Variants in SGCD observed in about 807,000 individuals in gnomAD.
SGCD encodes delta-sarcoglycan.
A neutral mutation model predicts 36.6 loss-of-function variants in SGCD; 18 were observed. That is an observed-to-expected ratio of 0.49 (90% CI 0.34 to 0.73). The LOEUF is 0.73. SGCD is among the 30% of genes least tolerant of loss of function. The pLI, the probability that SGCD is intolerant of heterozygous loss-of-function variation, is 0.01. For synonymous variants in SGCD, 133 were observed against 130.6 expected, an observed-to-expected ratio of 1.02 and a Z score of -0.12; for missense variants, 387 against 346.7, an observed-to-expected ratio of 1.12 and a Z score of -0.92.
At chr5:156,377,314 A>T (rs543491062) in intron 3 of SGCD, among the ~76,000 whole-genome samples, 6 of 152,290 alleles carry the variant, frequency 3.9e-5, no homozygotes, top group African/African-American at 1.4e-4. Context: ...AATAAATTTG[A>T]TATGTTAATG....
At chr5:156,278,139 A>G (rs1387988818) in intron 3 of SGCD, among the ~76,000 whole-genome samples, 1 of 152,172 alleles carries the variant, frequency 6.6e-6, no homozygotes, top group East Asian at 1.9e-4. Flanking sequence ...GGAAGAATAT[A>G]TATCAAGGTC....
the SGCD span, among the ~76,000 whole-genome samples, chr5:155,816,402 G>A: frequency 7.9e-3 from 1,202 of 152,216 alleles, 15 homozygotes; most frequent in Middle Eastern, 0.027. Context: ...AAATCATAAG[G>A]AAAAGAAAAT....
In SGCD at chr5:156,558,101, ATATATATATATATATATATATATT is replaced by A. The variant is rs1042480167; in HGVS notation, c.295-31129_295-31106del. On this transcript the variant is annotated intron_variant, in intron 4 of 8. Coordinates refer to ENST00000337851, the MANE Select transcript of SGCD (RefSeq NM_000337.6). ...TTAGTAAATACAAATATATATATAT[ATATATATATATATATATATATATT>A]ATTTAACTCTCTTTTAAAGGCAGTT... is the stretch of plus-strand genomic sequence containing the variant. Among the ~76,000 whole-genome samples the A allele has an allele frequency of 6.0e-4, 77 of 127,750 alleles. No individual in the cohort carries two copies. The Middle Eastern group carries it at 0.03, about 50-fold the overall frequency. The allele number at this position is 127,750 out of a possible 152,430, so 83.8% of individuals were successfully genotyped here.
intron 1 of SGCD, among the ~76,000 whole-genome samples, chr5:155,881,299 T>TAAATAAATAAATAAATAAAC (rs1755878620): frequency 1.4e-5 from 2 of 145,022 alleles, no homozygotes. Context: ...CACCACAAAA[T>TAAATAAATAAATAAATAAAC]AAATAAATAA....
At chr5:155,838,689 A>C in the SGCD span, among the ~76,000 whole-genome samples, 1 of 150,484 alleles carries the variant, frequency 6.6e-6, no homozygotes, top group Non-Finnish European at 1.5e-5. Flanking sequence ...TCCAGAATCT[A>C]TTTGACATGT....
At chr5:156,566,294 G>A (rs570956845) in intron 4 of SGCD, among the ~76,000 whole-genome samples, 5 of 152,122 alleles carry the variant, frequency 3.3e-5, no homozygotes, top group South Asian at 2.1e-4. Flanking sequence ...AGATATTGCC[G>A]GCATTTATTT....
chr5:156,425,500 G>T (rs929911014), intron 3 of SGCD, among the ~76,000 whole-genome samples: 1 of 152,022 alleles, frequency 6.6e-6, no homozygotes, highest in African/African-American at 2.4e-5. Context: ...TAAGCAGAGG[G>T]TTTGGTTATT....
At chr5:156,282,676 T>G (rs1384223768) in intron 3 of SGCD, among the ~76,000 whole-genome samples, 1 of 152,176 alleles carries the variant, frequency 6.6e-6, no homozygotes, top group Non-Finnish European at 1.5e-5. Context: ...TTTCCTTTAC[T>G]CTGATTACTT....
chr5:155,744,729 T>C, the SGCD span, among the ~76,000 whole-genome samples: 1 of 152,032 alleles, frequency 6.6e-6, no homozygotes, highest in Non-Finnish European at 1.5e-5. Flanking sequence ...ATGGACAATA[T>C]GGGAGAGAAG....
chr5:156,557,624 G>T (rs544324800), intron 4 of SGCD, among the ~76,000 whole-genome samples: 11 of 152,224 alleles, frequency 7.2e-5, no homozygotes, highest in African/African-American at 2.6e-4. Flanking sequence ...TATACTGGAA[G>T]ATTATTAGAA....
At chr5:156,394,978 A>G (rs572859239) in intron 3 of SGCD, among the ~76,000 whole-genome samples, 3 of 152,244 alleles carry the variant, frequency 2.0e-5, no homozygotes, top group African/African-American at 7.2e-5. Context: ...TTATCCGTGT[A>G]TTGAAAAATC....
At chr5:156,463,522 A>G (rs1754584543) in intron 3 of SGCD, among the ~76,000 whole-genome samples, 2 of 152,100 alleles carry the variant, frequency 1.3e-5, no homozygotes, top group Non-Finnish European at 2.9e-5. Flanking sequence ...TAATCTCAAG[A>G]GGGAATGTTT....
intron 7 of SGCD, among the ~76,000 whole-genome samples, chr5:156,740,718 G>A (rs768978712): frequency 3.9e-5 from 6 of 152,156 alleles, no homozygotes; most frequent in East Asian, 3.9e-4. Flanking sequence ...GTCAGTCTAC[G>A]TCAATGGTTC....
the SGCD span, among the ~76,000 whole-genome samples, chr5:155,823,791 CTCTT>C: frequency 6.6e-6 from 1 of 152,184 alleles, no homozygotes; most frequent in Non-Finnish European, 1.5e-5. Flanking sequence ...CATTGCCTGG[CTCTT>C]TCTTCTTTAC....
chr5:155,982,906 G>A (rs1758257821), intron 1 of SGCD, among the ~76,000 whole-genome samples: 1 of 151,958 alleles, frequency 6.6e-6, no homozygotes, highest in Non-Finnish European at 1.5e-5. Context: ...CCTAAGTTTT[G>A]TAGTTTCATT....
intron 3 of SGCD, among the ~76,000 whole-genome samples, chr5:156,261,190 T>C (rs1765851887): frequency 6.6e-6 from 1 of 152,186 alleles, no homozygotes; most frequent in Non-Finnish European, 1.5e-5. Flanking sequence ...GCCTTTTCAA[T>C]GTTTTCTGAG....
At chr5:155,888,144 C>A (rs1455590951) in intron 1 of SGCD, among the ~76,000 whole-genome samples, 1 of 152,194 alleles carries the variant, frequency 6.6e-6, no homozygotes, top group Admixed American at 6.5e-5. Flanking sequence ...CTCCCTATCC[C>A]AGCTTCTACA....
chr5:155,912,581 T>G (rs567650071), intron 1 of SGCD, among the ~76,000 whole-genome samples: 114 of 152,268 alleles, frequency 7.5e-4, no homozygotes, highest in Non-Finnish European at 1.4e-3. Context: ...CATATATTTT[T>G]TGTGTGTGTG....
intron 7 of SGCD, among the ~76,000 whole-genome samples, chr5:156,655,615 AATGTTTATTGACTT>A (rs1763641725): frequency 6.6e-6 from 1 of 152,156 alleles, no homozygotes; most frequent in Admixed American, 6.6e-5. Flanking sequence ...CATCTCAAGT[AATGTTTATTGACTT>A]TATTCTTGCA....
Sources: gnomAD v4.1 joint callset for allele counts (sites outside exome capture counted in the v4.1 genomes callset) on GRCh38, gnomAD v4.1.1 for gene constraint, MANE v1.5 for transcripts, NCBI Gene and HGNC (gene_info 2026-07-23, HGNC 2026-07-21) for gene names.